The following MAD1L1 variants were observed in gnomAD, a reference collection of about 807,000 sequenced individuals.
MAD1L1 encodes mitotic spindle assembly checkpoint protein MAD1.
In MAD1L1, 95 loss-of-function variants were observed where a neutral mutation model predicts 96.9. The observed-to-expected ratio is 0.98, with a 90% confidence interval of 0.83 to 1.16. The LOEUF (loss-of-function observed/expected upper bound fraction) is 1.16, where lower values mean the gene tolerates loss of function less well. MAD1L1 is among the 50% of genes most tolerant of loss of function. The pLI is 0.00. For missense variants in MAD1L1, 1,007 were observed against 954.4 expected (o/e 1.06, Z -0.73); for synonymous variants, 473 against 396.6 (o/e 1.19, Z -2.29).
intron 7 of MAD1L1, among the ~76,000 whole-genome samples, chr7:2,217,552 G>A (rs562263687): frequency 1.3e-5 from 2 of 152,324 alleles, no homozygotes; most frequent in East Asian, 3.9e-4. Flanking sequence ...TGGAGTCAAC[G>A]TCTCCCTGGC....
intron 14 of MAD1L1, among the ~76,000 whole-genome samples, chr7:2,001,287 G>A (rs958305091): frequency 2.0e-5 from 3 of 152,278 alleles, no homozygotes; most frequent in South Asian, 2.1e-4. Context: ...GCAGACACAC[G>A]CACGCACGCA....
At chr7:1,831,965 A>G (rs1352228114) in intron 18 of MAD1L1, among the ~76,000 whole-genome samples, 1 of 152,252 alleles carries the variant, frequency 6.6e-6, no homozygotes, top group Non-Finnish European at 1.5e-5. Flanking sequence ...TATGACTGCT[A>G]ACACAGCATC....
chr7:1,851,650 G>A (rs1003995559), intron 18 of MAD1L1, among the ~76,000 whole-genome samples: 3 of 152,152 alleles, frequency 2.0e-5, no homozygotes, highest in South Asian at 2.1e-4. Flanking sequence ...TAGTGAAGGC[G>A]TGGCGAGGAA....
At chr7:1,841,654 G>A (rs1783265811) in intron 18 of MAD1L1, among the ~76,000 whole-genome samples, 2 of 152,252 alleles carry the variant, frequency 1.3e-5, no homozygotes, top group South Asian at 4.1e-4. Flanking sequence ...TGAGGCCGGT[G>A]GGGACCCAAG....
At chr7:2,122,856 G>A (rs747081583) in intron 11 of MAD1L1, among the ~76,000 whole-genome samples, 6 of 152,240 alleles carry the variant, frequency 3.9e-5, no homozygotes, top group Non-Finnish European at 5.9e-5. Flanking sequence ...TGCAGGCCAT[G>A]GCGTCAGTGT....
In MAD1L1 at chr7:2,088,021, AGCAGATC is replaced by A. The variant is rs1562674517; in HGVS notation, c.1074-18690_1074-18684del. 6.6e-6 allele frequency among the ~76,000 whole-genome samples: 1 copy of A among 152,216 alleles called. No individual in the cohort carries two copies. Among genetic ancestry groups the A allele is most frequent in the Non-Finnish European group, 1.5e-5 (1 of 68,036 alleles). ...TCACAGCTAACTGGATCCGTTTCCCAGCAGATCGAGGCTTGAGGCTCTAGGAGAGTTA... is the reference window on the plus strand; with the variant it reads ...TCACAGCTAACTGGATCCGTTTCCCAGAGGCTTGAGGCTCTAGGAGAGTTA... On this transcript the variant is annotated intron_variant, in intron 11 of 18. Coordinates refer to ENST00000265854, the MANE Select transcript of MAD1L1 (RefSeq NM_001013836.2). The surrounding 1 kb of genome is among the most constrained non-coding windows in gnomAD (Gnocchi z 4.4).
intron 12 of MAD1L1, among the ~76,000 whole-genome samples, chr7:2,062,148 G>A (rs763994128): frequency 1.5e-4 from 22 of 151,330 alleles, no homozygotes; most frequent in Admixed American, 5.9e-4. Flanking sequence ...AGGCTGAGGC[G>A]AGAGAATGGC....
intron 11 of MAD1L1, among the ~76,000 whole-genome samples, chr7:2,080,721 C>T (rs570773548): frequency 2.0e-5 from 3 of 152,216 alleles, no homozygotes; most frequent in Non-Finnish European, 4.4e-5. Flanking sequence ...CAGGGCCGTG[C>T]ATTCAGATGA....
Position 2,222,767 on chromosome 7 carries a change from C to T in MAD1L1, c.292-13G>A, listed in dbSNP as rs1584590594. The stretch of plus-strand genomic sequence containing the variant: ...GGTCGACCTCACGCTGTTAAGAGAG[C>T]AAGAGTCAGATGCCACGTGCCGCCC... On this transcript the variant is annotated splice_polypyrimidine_tract_variant and intron_variant, in intron 4 of 18. Coordinates refer to ENST00000265854, the MANE Select transcript of MAD1L1 (RefSeq NM_001013836.2). 2.5e-6 allele frequency: 4 copies of T among 1,573,100 alleles called. No homozygotes were observed. In the East Asian group the frequency reaches 9.2e-5, roughly 36 times the overall value.
intron 10 of MAD1L1, chr7:2,201,933 G>C (rs960045073): frequency 6.6e-6 from 1 of 152,360 alleles, no homozygotes; most frequent in African/African-American, 2.4e-5. Flanking sequence ...GGCGGAGAGG[G>C]GCACAGGCTG....
chr7:1,942,504 C>T (rs1779047928), intron 16 of MAD1L1, among the ~76,000 whole-genome samples: 1 of 152,160 alleles, frequency 6.6e-6, no homozygotes, highest in African/African-American at 2.4e-5. Context: ...TGCTGAGGCC[C>T]GTCTCCAGGG....
intron 10 of MAD1L1, among the ~76,000 whole-genome samples, chr7:2,209,508 AG>A (rs1166582925): frequency 6.6e-6 from 1 of 152,232 alleles, no homozygotes; most frequent in Non-Finnish European, 1.5e-5. Flanking sequence ...GAAGGCAGTC[AG>A]GAACAGTGGC....
chr7:2,085,689 G>A (rs948532306), intron 11 of MAD1L1, among the ~76,000 whole-genome samples: 2 of 152,180 alleles, frequency 1.3e-5, no homozygotes, highest in African/African-American at 4.8e-5. Flanking sequence ...ACTCCTCGCT[G>A]GGTGGACAGC....
At chr7:1,981,556 G>A (rs1186697560) in intron 14 of MAD1L1, among the ~76,000 whole-genome samples, 1 of 152,148 alleles carries the variant, frequency 6.6e-6, no homozygotes, top group Non-Finnish European at 1.5e-5. Flanking sequence ...CCTGGCCCAA[G>A]TCAGAACCTT....
chr7:2,146,930 C>T lies in MAD1L1; in HGVS notation c.1073+2222G>A, dbSNP rs559985694. On this transcript the variant is annotated intron_variant, in intron 11 of 18. Coordinates refer to ENST00000265854, the MANE Select transcript of MAD1L1 (RefSeq NM_001013836.2). This position sits in a 1 kb window ranked among gnomAD's most constrained non-coding sequence, Gnocchi z 6.2. ...GGCCAGAACGCAAGCACCAAGGCCA[C>T]GACGGGACTCATCCACACCTCATTG... 5.3e-4 allele frequency among the ~76,000 whole-genome samples: 81 copies of T among 152,328 alleles called. No homozygotes were observed. The Middle Eastern group carries it at 0.017, about 32-fold the overall frequency.
At chr7:2,190,817 G>A (rs180895666) in intron 10 of MAD1L1, among the ~76,000 whole-genome samples, 1 of 152,140 alleles carries the variant, frequency 6.6e-6, no homozygotes, top group South Asian at 2.1e-4. Flanking sequence ...GGGATGCGGG[G>A]CCAGCGGAAT....
chr7:2,190,800 T>C (rs1041567169), intron 10 of MAD1L1, among the ~76,000 whole-genome samples: 1 of 152,192 alleles, frequency 6.6e-6, no homozygotes, highest in Non-Finnish European at 1.5e-5. Context: ...GGCCAATGAA[T>C]GCATTCGGGA....
chr7:2,055,081 G>A (rs1444394394), intron 12 of MAD1L1, among the ~76,000 whole-genome samples: 2 of 152,212 alleles, frequency 1.3e-5, no homozygotes, highest in Admixed American at 6.5e-5. Flanking sequence ...GGCGGGGGCA[G>A]CAGAGACAGA....
chr7:1,827,735 C>G (rs76214474), intron 18 of MAD1L1, among the ~76,000 whole-genome samples: 1,799 of 18,114 alleles, frequency 0.099, 545 homozygotes, highest in South Asian at 0.15. Context: ...CCCTGCGTGG[C>G]TGTGGGGTCC....
Sources: gnomAD v4.1 joint callset for allele counts (sites outside exome capture counted in the v4.1 genomes callset) on GRCh38, gnomAD v4.1.1 for gene constraint, Gnocchi (gnomAD v3.1) non-coding constraint, MANE v1.5 for transcripts, NCBI Gene and HGNC (gene_info 2026-07-23, HGNC 2026-07-21) for gene names.